DLG1: variants seen among roughly 807,000 people sequenced by gnomAD.
DLG1 encodes the protein discs large MAGUK scaffold protein 1, also known as disks large homolog 1.
DLG1 carries 42 observed loss-of-function variants against 123.4 expected under a neutral mutation model. The observed-to-expected ratio is 0.34, with a 90% CI of 0.27 to 0.44. The LOEUF (loss-of-function observed/expected upper bound fraction) is 0.44, where lower values mean the gene tolerates loss of function less well. Among genes scored for constraint, DLG1 ranks in the 20% least tolerant of loss-of-function variants. The probability of loss-of-function intolerance (pLI) is 1.00; values close to 1 mark genes in which losing one functional copy is unlikely to be tolerated. For missense variants in DLG1, 942 were observed against 1,082.6 expected (o/e 0.87, Z 1.82); for synonymous variants, 317 against 356.2 (o/e 0.89, Z 1.24).
At chr3:197,294,816 TTC>T (rs1373821738) in intron 3 of DLG1, among the ~76,000 whole-genome samples, 3 of 152,280 alleles carry the variant, frequency 2.0e-5, no homozygotes, top group Non-Finnish European at 4.4e-5. Context: ...TAAATGTAGA[TTC>T]TGTTATTTCA....
intron 4 of DLG1, 75 bp from the exon 5 acceptor site, chr3:197,194,664 G>A: frequency 1.0e-6 from 1 of 983,228 alleles, no homozygotes; most frequent in Non-Finnish European, 1.5e-6. Flanking sequence ...TTCATAACTA[G>A]CCAAATACTC....
chr3:197,241,506 A>C (rs1748830925), intron 4 of DLG1, among the ~76,000 whole-genome samples: 1 of 152,236 alleles, frequency 6.6e-6, no homozygotes, highest in Admixed American at 6.5e-5. Flanking sequence ...TTATGTATAC[A>C]CAAAAAACCC....
At chr3:197,097,826 C>CA (rs2149246935) in intron 14 of DLG1, among the ~76,000 whole-genome samples, 2 of 152,114 alleles carry the variant, frequency 1.3e-5, no homozygotes, top group African/African-American at 4.8e-5. Flanking sequence ...GTGAGTCGCC[C>CA]ACCTCAGCCT....
At chr3:197,154,361 C>T (rs1795361900) in intron 5 of DLG1, among the ~76,000 whole-genome samples, 1 of 151,646 alleles carries the variant, frequency 6.6e-6, no homozygotes, top group African/African-American at 2.4e-5. Flanking sequence ...AGCAAATCTA[C>T]TAGACAAAGA....
intron 6 of DLG1, among the ~76,000 whole-genome samples, chr3:197,148,728 AAACTT>A (rs1422543949): frequency 1.3e-5 from 2 of 152,334 alleles, no homozygotes; most frequent in Admixed American, 6.5e-5. Context: ...TCTTAGAAGA[AAACTT>A]AACTCTAAGT....
intron 11 of DLG1, among the ~76,000 whole-genome samples, chr3:197,127,230 C>G (rs1779564649): frequency 6.6e-6 from 1 of 150,958 alleles, no homozygotes; most frequent in African/African-American, 2.4e-5. Flanking sequence ...TGAGACCAGC[C>G]TGGCCAACAT....
At chr3:197,064,745 A>T (rs759497119) in intron 22 of DLG1, among the ~76,000 whole-genome samples, 28 of 152,216 alleles carry the variant, frequency 1.8e-4, no homozygotes, top group Non-Finnish European at 4.0e-4. Flanking sequence ...TTTTGGAAAA[A>T]GTCTTTGGCC....
intron 4 of DLG1, among the ~76,000 whole-genome samples, chr3:197,202,716 CA>C (rs1449300354): frequency 6.6e-6 from 1 of 152,120 alleles, no homozygotes; most frequent in Non-Finnish European, 1.5e-5. Flanking sequence ...CAAAACAAAA[CA>C]AAAACAAGAA....
intron 5 of DLG1, among the ~76,000 whole-genome samples, chr3:197,180,843 T>C (rs564451050): frequency 1.3e-5 from 2 of 152,292 alleles, no homozygotes; most frequent in South Asian, 4.1e-4. Flanking sequence ...GAAGAGGTAT[T>C]AGATTAGGTG....
intron 4 of DLG1, among the ~76,000 whole-genome samples, chr3:197,243,280 G>A (rs1749896773): frequency 6.6e-6 from 1 of 152,162 alleles, no homozygotes; most frequent in South Asian, 2.1e-4. Flanking sequence ...CAGCTACAAG[G>A]TTGGTGGATG....
intron 4 of DLG1, among the ~76,000 whole-genome samples, chr3:197,214,780 A>C (rs1182865591): frequency 6.6e-6 from 1 of 152,214 alleles, no homozygotes; most frequent in East Asian, 1.9e-4. Context: ...AAAACGAAAA[A>C]GAAAAATGAG....
chr3:197,092,142 T>G (rs973379596), intron 14 of DLG1, among the ~76,000 whole-genome samples: 1 of 152,216 alleles, frequency 6.6e-6, no homozygotes, highest in Admixed American at 6.5e-5. Flanking sequence ...CATGGCAAGT[T>G]GTCTTTGGTA....
chr3:197,279,926 G>A (rs942230279), intron 4 of DLG1, among the ~76,000 whole-genome samples: 2 of 152,158 alleles, frequency 1.3e-5, no homozygotes, highest in Non-Finnish European at 2.9e-5. Flanking sequence ...TGCATACAAT[G>A]TGTAATGGTC....
At chr3:197,193,413 A>C (rs75488852) in intron 5 of DLG1, among the ~76,000 whole-genome samples, 5,620 of 152,292 alleles carry the variant, frequency 0.037, 166 homozygotes, top group South Asian at 0.051. Flanking sequence ...TTCCTGCTGA[A>C]ACTGGAAATG....
chr3:197,195,202 A>C (rs1227642031), intron 4 of DLG1, among the ~76,000 whole-genome samples: 3 of 152,000 alleles, frequency 2.0e-5, no homozygotes, highest in Admixed American at 2.0e-4. Flanking sequence ...GAATAAACCT[A>C]CTCATAAAGA....
Position 197,296,425 on chromosome 3 carries a change from T to C in DLG1, c.72A>G (p.Gln24=). The C allele has an allele frequency of 6.2e-7, 1 of 1,613,704 alleles. No individual in the cohort carries two copies. Among genetic ancestry groups the C allele is most frequent in the Non-Finnish European group, 8.5e-7 (1 of 1,179,656 alleles). ...AACTTCTGAGCTGTCTGTCTTCAGTTTGGCTTAGTTTTGAACGATATTCCT... is the reference window on the plus strand; with the variant it reads ...AACTTCTGAGCTGTCTGTCTTCAGTCTGGCTTAGTTTTGAACGATATTCCT... ...LLEEYRSKLS[Q]TEDRQLRSSI... The change falls in exon 3 of 25, where the codon CAA becomes CAG. Residue 24 remains glutamine (Q), a synonymous_variant. Coordinates refer to ENST00000667157, the MANE Select transcript of DLG1 (RefSeq NM_001366207.1).
At chr3:197,298,790 G>C (rs549317862), upstream of DLG1, among the ~76,000 whole-genome samples, 72 of 152,282 alleles carry the variant, frequency 4.7e-4, no homozygotes, top group East Asian at 5.8e-4. Flanking sequence ...AATAGGCTTG[G>C]GGGGAGGGGT....
chr3:197,297,581 T>C, intron 1 of DLG1: 2 of 1,033,324 alleles, frequency 1.9e-6, no homozygotes, highest in East Asian at 9.1e-5. Flanking sequence ...GCTCCGACCC[T>C]TGGCCCCTGA....
chr3:197,140,298 A>G (rs777711922), intron 7 of DLG1, 34 bp from the exon 8 acceptor site: 1 of 1,605,812 alleles, frequency 6.2e-7, no homozygotes, highest in Non-Finnish European at 8.5e-7. Context: ...GAGACTGAAT[A>G]TGATTTATCT....
Sources: gnomAD v4.1 joint callset for allele counts (sites outside exome capture counted in the v4.1 genomes callset) on GRCh38, gnomAD v4.1.1 for gene constraint, MANE v1.5 for transcripts, NCBI Gene and HGNC (gene_info 2026-07-23, HGNC 2026-07-21) for gene names.